The following KCNK13 variants were observed in gnomAD, a reference collection of about 807,000 sequenced individuals.
KCNK13 encodes potassium two pore domain channel subfamily K member 13.
A neutral mutation model predicts 23.4 loss-of-function variants in KCNK13; 12 were observed. The observed-to-expected ratio is 0.51, with a 90% CI of 0.33 to 0.83. The LOEUF is 0.83. KCNK13 is among the 40% of genes least tolerant of loss of function. The pLI, the probability that KCNK13 is intolerant of heterozygous loss-of-function variation, is 0.02. For missense variants in KCNK13, 463 were observed against 556.3 expected (o/e 0.83, Z 1.69); for synonymous variants, 231 against 229.5 (o/e 1.01, Z -0.06).
chr14:90,152,519 G>C (rs1890145652), intron 1 of KCNK13, among the ~76,000 whole-genome samples: 1 of 151,890 alleles, frequency 6.6e-6, no homozygotes, highest in African/African-American at 2.4e-5. Flanking sequence ...TGGGCAATAA[G>C]AGCAAAACTC....
At chr14:90,079,806 C>CT (rs983438247) in intron 1 of KCNK13, among the ~76,000 whole-genome samples, 12 of 152,216 alleles carry the variant, frequency 7.9e-5, no homozygotes, top group African/African-American at 2.2e-4. Context: ...CCTGGAGCCC[C>CT]TGAGAAGAGC....
intron 1 of KCNK13, among the ~76,000 whole-genome samples, chr14:90,167,182 A>C (rs1226372178): frequency 6.6e-6 from 1 of 152,180 alleles, no homozygotes; most frequent in Non-Finnish European, 1.5e-5. Flanking sequence ...GACTGTCATC[A>C]TGACTGTCCT....
intron 1 of KCNK13, among the ~76,000 whole-genome samples, chr14:90,095,066 C>T (rs1464366385): frequency 3.3e-5 from 5 of 152,162 alleles, no homozygotes; most frequent in Admixed American, 3.3e-4. Flanking sequence ...TGTTATCCCA[C>T]CTCTTCAAAA....
intron 1 of KCNK13, among the ~76,000 whole-genome samples, chr14:90,162,564 A>C (rs781523418): frequency 7.9e-5 from 12 of 152,254 alleles, no homozygotes; most frequent in Non-Finnish European, 1.5e-4. Context: ...GTCAGTCTGC[A>C]ATTATCTCAA....
At chr14:90,161,370 T>C (rs1331585826) in intron 1 of KCNK13, among the ~76,000 whole-genome samples, 1 of 152,210 alleles carries the variant, frequency 6.6e-6, no homozygotes, top group Non-Finnish European at 1.5e-5. Flanking sequence ...AGATGGCTAG[T>C]GGTGATTGTA....
At chr14:90,155,055 T>A (rs1890178657) in intron 1 of KCNK13, among the ~76,000 whole-genome samples, 1 of 152,094 alleles carries the variant, frequency 6.6e-6, no homozygotes, top group Admixed American at 6.6e-5. Context: ...AATAAATATA[T>A]AAAATATATG....
At chr14:90,157,812 T>C (rs979069735) in intron 1 of KCNK13, among the ~76,000 whole-genome samples, 2 of 146,656 alleles carry the variant, frequency 1.4e-5, no homozygotes, top group Non-Finnish European at 3.0e-5. Flanking sequence ...GCAATTCTCC[T>C]GCCTCAGCCT....
intron 1 of KCNK13, among the ~76,000 whole-genome samples, chr14:90,181,192 T>G (rs1240825047): frequency 6.6e-6 from 1 of 152,210 alleles, no homozygotes; most frequent in East Asian, 1.9e-4. Context: ...GTCTCAGCCT[T>G]GGATGCTGGG....
chr14:90,172,892 G>C (rs1222261570), intron 1 of KCNK13, among the ~76,000 whole-genome samples: 1 of 152,182 alleles, frequency 6.6e-6, no homozygotes, highest in Non-Finnish European at 1.5e-5. Flanking sequence ...TGTTGTGAAA[G>C]ATAAAAGGCT....
intron 1 of KCNK13, among the ~76,000 whole-genome samples, chr14:90,170,813 A>G (rs1284288744): frequency 6.6e-6 from 1 of 150,988 alleles, no homozygotes; most frequent in Non-Finnish European, 1.5e-5. Context: ...GCAGGGGAAC[A>G]ATCAGATATG....
chr14:90,131,152 A>G (rs1889865821), intron 1 of KCNK13, among the ~76,000 whole-genome samples: 1 of 152,130 alleles, frequency 6.6e-6, no homozygotes, highest in African/African-American at 2.4e-5. Context: ...ATTCAAACAC[A>G]TTTTATAAGA....
rs1403027032 is a variant in KCNK13 at position 90,062,370 on chromosome 14, G to A, written c.165G>A (p.Glu55=). Residue 55 remains glutamate (E), a synonymous_variant, in exon 1 of 2, where the codon GAG becomes GAA. Coordinates refer to ENST00000282146, the MANE Select transcript of KCNK13 (RefSeq NM_022054.4). The surrounding 1 kb of genome is among the most constrained non-coding windows in gnomAD (Gnocchi z 4.5). ...GCCAGGCCAAGCAGCGCTGGGAGGAGCGCCTGGCCAACTTCAGCCGCGGCC... is the reference window on the plus strand; with the variant it reads ...GCCAGGCCAAGCAGCGCTGGGAGGAACGCCTGGCCAACTTCAGCCGCGGCC... ...HERQAKQRWE[E]RLANFSRGHN... 1 of 1,554,836 alleles carries A rather than the reference G, an allele frequency of 6.4e-7. No individual in the cohort carries two copies. Among genetic ancestry groups the A allele is most frequent in the African/African-American group, 1.4e-5 (1 of 73,196 alleles).
intron 1 of KCNK13, among the ~76,000 whole-genome samples, chr14:90,127,180 C>G (rs1889810977): frequency 6.6e-6 from 1 of 152,050 alleles, no homozygotes; most frequent in Non-Finnish European, 1.5e-5. Context: ...GATATGGGAA[C>G]TCTGTATTAT....
intron 1 of KCNK13, among the ~76,000 whole-genome samples, chr14:90,163,176 T>C (rs987418138): frequency 2.0e-5 from 3 of 152,142 alleles, no homozygotes; most frequent in Non-Finnish European, 2.9e-5. Context: ...GTTTGTTGAA[T>C]GAATAAGTGG....
chr14:90,074,257 C>T (rs538575061), intron 1 of KCNK13, among the ~76,000 whole-genome samples: 14 of 152,340 alleles, frequency 9.2e-5, no homozygotes, highest in South Asian at 2.1e-4. Flanking sequence ...CATTGAGCCA[C>T]GCCTGGCCTC....
chr14:90,136,686 C>G (rs754719655), intron 1 of KCNK13, among the ~76,000 whole-genome samples: 4 of 152,124 alleles, frequency 2.6e-5, no homozygotes, highest in Non-Finnish European at 4.4e-5. Flanking sequence ...AGCAAGGAGT[C>G]CTTCATCTCT....
intron 1 of KCNK13, among the ~76,000 whole-genome samples, chr14:90,177,755 T>C (rs1391290937): frequency 6.6e-6 from 1 of 152,214 alleles, no homozygotes; most frequent in Non-Finnish European, 1.5e-5. Context: ...TCTTGATTCA[T>C]GCATCATATT....
intron 1 of KCNK13, among the ~76,000 whole-genome samples, chr14:90,161,078 A>G (rs1890248076): frequency 2.6e-5 from 4 of 152,134 alleles, no homozygotes; most frequent in Admixed American, 2.0e-4. Context: ...GATAAACAAA[A>G]TGTGGTCTAT....
intron 1 of KCNK13, among the ~76,000 whole-genome samples, chr14:90,172,840 GT>G (rs1417155130): frequency 6.6e-6 from 1 of 151,920 alleles, no homozygotes; most frequent in Non-Finnish European, 1.5e-5. Context: ...ATTGGCTAGG[GT>G]AAAAAAAAAG....
Sources: allele counts gnomAD v4.1 joint callset (sites outside exome capture counted in the v4.1 genomes callset), GRCh38; gene constraint gnomAD v4.1.1; non-coding constraint Gnocchi (gnomAD v3.1); transcripts MANE v1.5; gene names NCBI Gene and HGNC (gene_info 2026-07-23, HGNC 2026-07-21).